Variants in THBS2 observed in about 807,000 individuals in gnomAD.
The protein encoded by THBS2 is thrombospondin-2.
Under a neutral mutation model 135.2 loss-of-function variants are expected in THBS2, and 47 were observed. The observed-to-expected ratio is 0.35, with a 90% CI of 0.28 to 0.44. The LOEUF is 0.44. THBS2 is among the 20% of genes least tolerant of loss of function. The pLI is 1.00. For synonymous variants in THBS2, 639 were observed against 633.8 expected, an observed-to-expected ratio of 1.01 and a Z score of -0.12; for missense variants, 1,288 against 1,603.1, an observed-to-expected ratio of 0.80 and a Z score of 3.36.
At chr6:169,243,105 TTCC>T (rs1780419273) in intron 4 of THBS2, among the ~76,000 whole-genome samples, 2 of 91,590 alleles carry the variant, frequency 2.2e-5, no homozygotes, top group Non-Finnish European at 2.1e-5. Flanking sequence ...CCTTCCCACC[TTCC>T]CACCACTCCT....
rs139715998 is a variant in THBS2, at chr6:169,234,834, G to C, written c.1551C>G (p.Arg517=). 1.8e-5 allele frequency: 29 copies of C among 1,613,246 alleles called. No homozygotes were observed. The East Asian group carries it at 6.2e-4, about 35-fold the overall frequency. The part of the protein sequence containing the change: ...TVTCAGGIRE[R]TRVCNSPEPQ... The stretch of plus-strand genomic sequence containing the variant: ...GCTCAGGGCTGTTGCAGACCCGGGT[G>C]CGCTCCCGGATCCCACCGGCACAGG... Residue 517 remains arginine (R), a synonymous_variant, in exon 10 of 22, where the codon CGC becomes CGG. Coordinates refer to ENST00000617924, the MANE Select transcript of THBS2 (RefSeq NM_003247.5).
intron 12 of THBS2, 106 bp downstream of exon 12, chr6:169,232,558 C>T (rs1779882024): frequency 6.6e-7 from 1 of 1,508,128 alleles, no homozygotes; most frequent in Non-Finnish European, 8.9e-7. Context: ...CCATGCCTCT[C>T]CCGGGCCACG....
chr6:169,242,682 A>C (rs1219079286), intron 4 of THBS2, among the ~76,000 whole-genome samples: 1 of 24,596 alleles, frequency 4.1e-5, no homozygotes, highest in Admixed American at 4.8e-4. Context: ...CCACCTTCCC[A>C]CCTTCCCATC....
Position 169,229,535 on chromosome 6 carries a change from GAACCCAGGGCAGGTGCGC to G in THBS2, c.2259+19_2259+36del. 2.5e-6 allele frequency: 4 copies of G among 1,578,568 alleles called. No homozygotes were observed. The highest frequency in any genetic ancestry group is 3.5e-6 in the Non-Finnish European group (4 of 1,148,356). The stretch of plus-strand genomic sequence containing the variant: ...CCTCCTGTGGACCTCGCTGCTCCTG[GAACCCAGGGCAGGTGCGC>G]GGCACAAGCTGCTCCTACCTTCTCA... On this transcript the variant is annotated intron_variant, in intron 14 of 21. Coordinates refer to ENST00000617924, the MANE Select transcript of THBS2 (RefSeq NM_003247.5).
chr6:169,245,130 C>G (rs918432020), intron 4 of THBS2, among the ~76,000 whole-genome samples: 2 of 152,214 alleles, frequency 1.3e-5, no homozygotes, highest in Non-Finnish European at 2.9e-5. Context: ...ACGGCCACAC[C>G]GTGTGGCAGA....
chr6:169,241,439 A>ATGTGTGTGTGTGTG lies in THBS2; in HGVS notation c.891+309_891+322dup, dbSNP rs147574702. 8.0e-6 allele frequency among the ~76,000 whole-genome samples: 1 copy of ATGTGTGTGTGTGTG among 124,424 alleles called. No homozygotes were observed. Among genetic ancestry groups the ATGTGTGTGTGTGTG allele is most frequent in the African/African-American group, 3.1e-5 (1 of 32,344 alleles). The allele number at this position is 124,424 out of a possible 152,430, so 81.6% of individuals were successfully genotyped here. A position where few individuals can be genotyped will look rare whatever the true frequency, so the allele number is the denominator to read the frequency against. ...TGTATGTGTGTGTATGTGTGTGTGT[A>ATGTGTGTGTGTGTG]TGTGTGTGTGTGTGTGTACACTCAT... On this transcript the variant is annotated intron_variant, in intron 5 of 21. Coordinates refer to ENST00000617924, the MANE Select transcript of THBS2 (RefSeq NM_003247.5). The surrounding 1 kb of genome is among the most constrained non-coding windows in gnomAD (Gnocchi z 5.5).
Position 169,222,224 on chromosome 6 carries a change from C to A in THBS2, c.3246G>T (p.Leu1082=), listed in dbSNP as rs1170879763. The A allele has an allele frequency of 6.2e-7, 1 of 1,611,330 alleles. No individual in the cohort carries two copies. The highest frequency in any genetic ancestry group is 2.2e-5 in the East Asian group (1 of 44,846). Residue 1082 remains leucine, a synonymous_variant, in exon 19 of 22, where the codon CTG becomes CTT. Coordinates refer to ENST00000617924, the MANE Select transcript of THBS2 (RefSeq NM_003247.5). Reference sequence around the variant, plus strand: ...GCCCCGGCGTGTTCCCCGTGTGCCACAGCGCGTTCCTCAGGTGCTCGCCCG... The same window carrying A: ...GCCCCGGCGTGTTCCCCGTGTGCCAAAGCGCGTTCCTCAGGTGCTCGCCCG... ...TGTGEHLRNA[L]WHTGNTPGQV... is the part of the protein sequence containing the mutation.
rs530335175 is a variant in THBS2, at chr6:169,226,122, C to T, written c.2538+58G>A. 1.5e-5 allele frequency: 22 copies of T among 1,505,258 alleles called. 1 individual carries two copies. Among genetic ancestry groups the T allele is most frequent in the Middle Eastern group, 3.8e-4 (2 of 5,228 alleles). 93.2% of individuals were successfully genotyped at this position (1,505,258 alleles called of 1,614,324 possible). On this transcript the variant is annotated intron_variant, in intron 16 of 21. Transcript: ENST00000617924. ...TCACAGTGATCCCCCACACCGCCAC[C>T]GTCCCCGCGTCCCTCTGATGAGGAC... is the stretch of plus-strand genomic sequence containing the variant.
In THBS2 at chr6:169,228,193, T is replaced by A; in HGVS notation, c.2348A>T (p.His783Leu). ...GDRCDNCPYV[H>L]NPAQIDTDNN... is the part of the protein sequence containing the mutation. ...GTCTGTGTCGATCTGGGCAGGGTTGTGCACGTAAGGGCAGTTGTCACAGCG... is the reference window on the plus strand; with the variant it reads ...GTCTGTGTCGATCTGGGCAGGGTTGAGCACGTAAGGGCAGTTGTCACAGCG... The change falls in exon 15 of 22, where the codon CAC (histidine) becomes CTC (leucine). Residue 783 changes from histidine to leucine, a missense_variant. Transcript: ENST00000617924. 6.2e-7 allele frequency: 1 copy of A among 1,614,142 alleles called. No homozygotes were observed.
chr6:169,220,457 C>T (rs1779383282), intron 20 of THBS2, 120 bp from the exon 21 acceptor site: 9 of 1,283,026 alleles, frequency 7.0e-6, no homozygotes, highest in Non-Finnish European at 9.7e-6. Context: ...CCCAGGGCTT[C>T]AGTGCCCCAG....
At chr6:169,248,315 G>C in intron 3 of THBS2, 102 bp downstream of exon 3, 1 of 1,381,100 alleles carries the variant, frequency 7.2e-7, no homozygotes, top group Non-Finnish European at 9.9e-7. Context: ...TCTAAGGCCA[G>C]GCTCTGCCTG....
Position 169,217,734 on chromosome 6 carries a change from A to C in THBS2, c.*88T>G. On this transcript the variant is annotated 3_prime_UTR_variant, in exon 22 of 22. Transcript: ENST00000617924. ...GTCAAGGGACAGGAGGTGCTGCTAG[A>C]GAGAGAAGCCACAAGGACCACAATG... 1 of 1,464,500 alleles carries C rather than the reference A, an allele frequency of 6.8e-7. No homozygotes were observed. The highest frequency in any genetic ancestry group is 9.4e-7 in the Non-Finnish European group (1 of 1,065,868). The allele number at this position is 1,464,500 out of a possible 1,614,324, so 90.7% of individuals were successfully genotyped here. A position where few individuals can be genotyped will look rare whatever the true frequency, so the allele number is the denominator to read the frequency against.
At chr6:169,219,557 C>T (rs1300604942) in intron 21 of THBS2, among the ~76,000 whole-genome samples, 1 of 152,144 alleles carries the variant, frequency 6.6e-6, no homozygotes, top group African/African-American at 2.4e-5. Context: ...GTTGGCCAGG[C>T]TGGTCTCGAA....
chr6:169,237,946 A>T, intron 7 of THBS2, 151 bp from the exon 8 acceptor site: 1 of 1,039,562 alleles, frequency 9.6e-7, no homozygotes, highest in Non-Finnish European at 1.3e-6. Context: ...TGGACATCCC[A>T]GTGGCTGGGC....
At chr6:169,225,004 C>T in intron 17 of THBS2, 141 bp downstream of exon 17, 3 of 792,528 alleles carry the variant, frequency 3.8e-6, no homozygotes, top group East Asian at 4.9e-5. Flanking sequence ...ATTGCATGGA[C>T]CCACAGCTTT....
At chr6:169,224,994 A>G in intron 17 of THBS2, 151 bp downstream of exon 17, 1 of 746,386 alleles carries the variant, frequency 1.3e-6, no homozygotes, top group South Asian at 1.7e-5. Flanking sequence ...AGAAACTCAT[A>G]TTGCATGGAC....
At chr6:169,231,270 A>G (rs185986206) in intron 13 of THBS2, among the ~76,000 whole-genome samples, 6 of 152,322 alleles carry the variant, frequency 3.9e-5, no homozygotes, top group Non-Finnish European at 8.8e-5. Context: ...CCGGAGAGAA[A>G]GGCACTGGAG....
In THBS2 at chr6:169,241,185, T is replaced by TGGGGCACCGTGGCCC. The variant is rs1406784964; in HGVS notation, c.891+562_891+576dup. Among the ~76,000 whole-genome samples the TGGGGCACCGTGGCCC allele has an allele frequency of 6.6e-6, 1 of 152,132 alleles. No individual in the cohort carries two copies. The highest frequency in any genetic ancestry group is 2.4e-5 in the African/African-American group (1 of 41,418). On this transcript the variant is annotated intron_variant, in intron 5 of 21. Transcript: ENST00000617924. This position sits in a 1 kb window ranked among gnomAD's most constrained non-coding sequence, Gnocchi z 5.5. ...ACCCTGGTTAGCCATGTGTATGTTG[T>TGGGGCACCGTGGCCC]GGGGCACCGTGGCCCGGAGCACCTC...
chr6:169,232,660 G>A lies in THBS2; in HGVS notation c.1932+4C>T, dbSNP rs765496502. The A allele has an allele frequency of 2.5e-6, 4 of 1,596,928 alleles. No individual in the cohort carries two copies. Among genetic ancestry groups the A allele is most frequent in the South Asian group, 2.3e-5 (2 of 88,730 alleles). ...AACACACAAGGAAGGCCGGCCTTGC[G>A]TACTTGCTTTTCCGTCTTGGCTGCT... On this transcript the variant is annotated splice_donor_region_variant and intron_variant, in intron 12 of 21. Coordinates refer to ENST00000617924, the MANE Select transcript of THBS2 (RefSeq NM_003247.5).
Sources: allele counts gnomAD v4.1 joint callset (sites outside exome capture counted in the v4.1 genomes callset), GRCh38; gene constraint gnomAD v4.1.1; non-coding constraint Gnocchi (gnomAD v3.1); transcripts MANE v1.5; gene names NCBI Gene and HGNC (gene_info 2026-07-23, HGNC 2026-07-21).